MPPED2: variants seen among roughly 807,000 people sequenced by gnomAD.
MPPED2 encodes the protein metallophosphoesterase domain containing 2.
In MPPED2, 5 loss-of-function variants were observed where a neutral mutation model predicts 33.0. That is an observed-to-expected ratio of 0.15 (90% CI 0.08 to 0.32). The LOEUF is 0.32. Among genes scored for constraint, MPPED2 ranks in the 10% least tolerant of loss-of-function variants. The pLI, the probability that MPPED2 is intolerant of heterozygous loss-of-function variation, is 1.00. For synonymous variants in MPPED2, 136 were observed against 141.9 expected (o/e 0.96, Z 0.29); for missense variants, 275 against 372.1 (o/e 0.74, Z 2.15).
At chr11:30,496,445 C>G (rs980896875) in intron 3 of MPPED2, among the ~76,000 whole-genome samples, 1 of 152,146 alleles carries the variant, frequency 6.6e-6, no homozygotes, top group Non-Finnish European at 1.5e-5. Flanking sequence ...CACTACCCAT[C>G]CCTCAAGCCT....
intron 2 of MPPED2, among the ~76,000 whole-genome samples, chr11:30,554,421 TC>T (rs1590836746): frequency 1.3e-5 from 2 of 152,272 alleles, no homozygotes; most frequent in East Asian, 3.9e-4. Context: ...AAGGGTAGTC[TC>T]CTGTTTTAAA....
At chr11:30,530,157 A>G (rs965276186) in intron 3 of MPPED2, among the ~76,000 whole-genome samples, 1 of 152,202 alleles carries the variant, frequency 6.6e-6, no homozygotes, top group Non-Finnish European at 1.5e-5. Context: ...TACCCTTCTT[A>G]TTTCTGCACA....
In MPPED2 at chr11:30,556,084, A is replaced by C. The variant is rs955233963; in HGVS notation, c.129-19909T>G. Among the ~76,000 whole-genome samples the C allele has an allele frequency of 3.9e-5, 6 of 152,216 alleles. No homozygotes were observed. In the East Asian group the frequency reaches 1.2e-3, roughly 29 times the overall value. On this transcript the variant is annotated intron_variant, in intron 2 of 6. Coordinates refer to ENST00000358117, the MANE Select transcript of MPPED2 (RefSeq NM_001584.3). ...CATGACTTACGAGAGTGAGGTTTCCATTTGCCACTCTCTCCTGCATTATCA... is the reference window on the plus strand; with the variant it reads ...CATGACTTACGAGAGTGAGGTTTCCCTTTGCCACTCTCTCCTGCATTATCA...
chr11:30,537,754 C>CA (rs1376663016), intron 2 of MPPED2, among the ~76,000 whole-genome samples: 8 of 152,166 alleles, frequency 5.3e-5, no homozygotes, highest in South Asian at 4.2e-4. Flanking sequence ...TTAACTTCCG[C>CA]AAAAAATTAA....
chr11:30,560,314 A>ATTT (rs1956182386), intron 2 of MPPED2, among the ~76,000 whole-genome samples: 2 of 147,786 alleles, frequency 1.4e-5, no homozygotes, highest in African/African-American at 5.2e-5. Flanking sequence ...TTTTTTTTTA[A>ATTT]AAAAAAAAAA....
chr11:30,504,475 G>C (rs986894769), intron 3 of MPPED2, among the ~76,000 whole-genome samples: 1 of 151,152 alleles, frequency 6.6e-6, no homozygotes, highest in Non-Finnish European at 1.5e-5. Context: ...AGGTGGGGAG[G>C]GGGTTCTATA....
intron 2 of MPPED2, among the ~76,000 whole-genome samples, chr11:30,555,420 T>C (rs1955918418): frequency 6.6e-6 from 1 of 152,176 alleles, no homozygotes; most frequent in South Asian, 2.1e-4. Flanking sequence ...AGGCTACTGT[T>C]CACATGGTTC....
chr11:30,465,093 G>T (rs1950653676), intron 4 of MPPED2, among the ~76,000 whole-genome samples: 1 of 152,162 alleles, frequency 6.6e-6, no homozygotes, highest in Admixed American at 6.5e-5. Flanking sequence ...CTGGTATATG[G>T]TAAGTTCTCA....
chr11:30,469,857 G>A lies in MPPED2; in HGVS notation c.536+25439C>T, dbSNP rs79354388. 1.5e-4 allele frequency among the ~76,000 whole-genome samples: 23 copies of A among 152,160 alleles called. No homozygotes were observed. The East Asian group carries it at 2.3e-3, about 15-fold the overall frequency. On this transcript the variant is annotated intron_variant, in intron 4 of 6. Transcript: ENST00000358117. ...ATAAAACAAGTAAATTTCCCTAAAGGAGCATGGTCTGATTCTTAAGAATTC... is the reference window on the plus strand; with the variant it reads ...ATAAAACAAGTAAATTTCCCTAAAGAAGCATGGTCTGATTCTTAAGAATTC...
intron 3 of MPPED2, among the ~76,000 whole-genome samples, chr11:30,517,650 C>T (rs1590678134): frequency 6.6e-6 from 1 of 152,056 alleles, no homozygotes; most frequent in South Asian, 2.1e-4. Flanking sequence ...TCTCTTTAGG[C>T]AATGGAACAG....
At chr11:30,552,243 C>A (rs1389463481) in intron 2 of MPPED2, among the ~76,000 whole-genome samples, 6 of 152,218 alleles carry the variant, frequency 3.9e-5, no homozygotes, top group Non-Finnish European at 7.3e-5. Flanking sequence ...CAAACAGGAG[C>A]CATCTGCGAA....
At chr11:30,404,946 G>A (rs1219479457) in intron 6 of MPPED2, among the ~76,000 whole-genome samples, 1 of 152,162 alleles carries the variant, frequency 6.6e-6, no homozygotes, top group African/African-American at 2.4e-5. Context: ...AATGCAGATA[G>A]AAGGCATGGT....
intron 6 of MPPED2, among the ~76,000 whole-genome samples, chr11:30,404,556 G>A (rs1236925733): frequency 6.6e-6 from 1 of 152,210 alleles, no homozygotes; most frequent in Non-Finnish European, 1.5e-5. Flanking sequence ...TAGGCTAGCT[G>A]CCTGTGCTTG....
chr11:30,419,208 T>A (rs888493614), intron 4 of MPPED2, among the ~76,000 whole-genome samples: 14 of 152,324 alleles, frequency 9.2e-5, no homozygotes, highest in East Asian at 3.9e-4. Flanking sequence ...ACTCATGAGG[T>A]GGGCACTATT....
intron 4 of MPPED2, among the ~76,000 whole-genome samples, chr11:30,424,232 G>T (rs889762302): frequency 1.3e-5 from 2 of 152,066 alleles, no homozygotes; most frequent in African/African-American, 4.8e-5. Flanking sequence ...TATAATAGGG[G>T]GTGAAGAGAG....
At chr11:30,540,442 T>C (rs1277665919) in intron 2 of MPPED2, among the ~76,000 whole-genome samples, 1 of 152,172 alleles carries the variant, frequency 6.6e-6, no homozygotes, top group African/African-American at 2.4e-5. Flanking sequence ...CTAAGATTGT[T>C]ATGAGAATAA....
chr11:30,465,790 C>T (rs1462378592), intron 4 of MPPED2, among the ~76,000 whole-genome samples: 1 of 152,120 alleles, frequency 6.6e-6, no homozygotes, highest in Non-Finnish European at 1.5e-5. Context: ...CAACCACACA[C>T]AGACTGAGAA....
chr11:30,437,547 T>C (rs543523462), intron 4 of MPPED2, among the ~76,000 whole-genome samples: 22 of 152,316 alleles, frequency 1.4e-4, no homozygotes, highest in African/African-American at 5.3e-4. Context: ...CACCTAGGCA[T>C]GACTCTGAGC....
At chr11:30,479,974 A>C (rs1459066216) in intron 4 of MPPED2, among the ~76,000 whole-genome samples, 1 of 152,158 alleles carries the variant, frequency 6.6e-6, no homozygotes, top group Non-Finnish European at 1.5e-5. Flanking sequence ...ACCCAAGTTT[A>C]TGTCAGTAGC....
Sources: gnomAD v4.1 joint callset for allele counts (sites outside exome capture counted in the v4.1 genomes callset) on GRCh38, gnomAD v4.1.1 for gene constraint, MANE v1.5 for transcripts, NCBI Gene and HGNC (gene_info 2026-07-23, HGNC 2026-07-21) for gene names.